Variants in FREM3 observed in about 807,000 individuals in gnomAD.
FREM3 encodes FRAS1-related extracellular matrix protein 3.
In FREM3, 105 loss-of-function variants were observed where a neutral mutation model predicts 129.1. The observed-to-expected ratio is 0.81, with a 90% confidence interval of 0.69 to 0.96. The LOEUF (loss-of-function observed/expected upper bound fraction) is 0.96, where lower values mean the gene tolerates loss of function less well. Ranked by LOEUF, FREM3 falls within the 40% of genes least tolerant of loss-of-function variation. The probability of loss-of-function intolerance (pLI) is 0.00; values close to 1 mark genes in which losing one functional copy is unlikely to be tolerated. For synonymous variants in FREM3, 1,014 were observed against 1,044.9 expected (o/e 0.97, Z 0.57); for missense variants, 2,593 against 2,666.3 (o/e 0.97, Z 0.61).
At chr4:143,644,221 G>A (rs1739375359) in intron 2 of FREM3, among the ~76,000 whole-genome samples, 1 of 151,988 alleles carries the variant, frequency 6.6e-6, no homozygotes, top group Admixed American at 6.6e-5. Context: ...ATTTGCACAC[G>A]TGTTTCTTTT....
intron 1 of FREM3, among the ~76,000 whole-genome samples, chr4:143,694,550 T>C (rs1740531202): frequency 6.6e-6 from 1 of 152,236 alleles, no homozygotes; most frequent in Non-Finnish European, 1.5e-5. Context: ...GAATAATTCT[T>C]ATAGAACCAC....
At chr4:143,676,504 C>T (rs918290018) in intron 2 of FREM3, among the ~76,000 whole-genome samples, 2 of 152,130 alleles carry the variant, frequency 1.3e-5, no homozygotes, top group African/African-American at 4.8e-5. Flanking sequence ...CCCTCTCTCA[C>T]CACTCCTATT....
chr4:143,606,491 T>C (rs1239286009), intron 6 of FREM3, among the ~76,000 whole-genome samples: 2 of 152,094 alleles, frequency 1.3e-5, no homozygotes, highest in East Asian at 1.9e-4. Flanking sequence ...CTTTTCGTTA[T>C]AGGAAACACT....
intron 2 of FREM3, among the ~76,000 whole-genome samples, chr4:143,691,816 G>A (rs1441321009): frequency 6.6e-6 from 1 of 152,168 alleles, no homozygotes; most frequent in African/African-American, 2.4e-5. Flanking sequence ...TAGTGTGAGA[G>A]TCAGAGGTGC....
intron 5 of FREM3, among the ~76,000 whole-genome samples, chr4:143,614,767 G>T (rs1317844187): frequency 4.6e-5 from 7 of 152,202 alleles, no homozygotes; most frequent in African/African-American, 1.7e-4. Context: ...AAGCTGATTT[G>T]CAAACTTTGC....
intron 2 of FREM3, among the ~76,000 whole-genome samples, chr4:143,669,478 G>A (rs554920724): frequency 4.6e-5 from 7 of 151,040 alleles, no homozygotes; most frequent in African/African-American, 1.5e-4. Context: ...GGTAGAGACC[G>A]GGTCATCCTA....
chr4:143,639,540 T>C (rs1739286872), intron 2 of FREM3, among the ~76,000 whole-genome samples: 1 of 152,192 alleles, frequency 6.6e-6, no homozygotes. Context: ...GTGGCACCAT[T>C]ACAGCAATCC....
intron 6 of FREM3, among the ~76,000 whole-genome samples, chr4:143,603,819 G>A (rs991728963): frequency 2.0e-5 from 3 of 152,094 alleles, no homozygotes; most frequent in African/African-American, 7.2e-5. Flanking sequence ...GCCATAAAAT[G>A]TCATACCCCC....
chr4:143,592,096 G>T (rs1485946550), intron 6 of FREM3, among the ~76,000 whole-genome samples: 2 of 152,148 alleles, frequency 1.3e-5, no homozygotes, highest in Admixed American at 6.5e-5. Flanking sequence ...TTGCTTGGTA[G>T]ATCTTCCTCC....
chr4:143,624,627 G>A (rs1739013586), intron 3 of FREM3, among the ~76,000 whole-genome samples: 1 of 152,154 alleles, frequency 6.6e-6, no homozygotes, highest in Admixed American at 6.5e-5. Flanking sequence ...ATCCTTTGAT[G>A]TGCCAAACTC....
rs958348805 is a variant in FREM3, at chr4:143,696,764, A to G, written c.3912T>C (p.Asp1304=). The change falls in exon 1 of 8, where the codon GAT becomes GAC. Residue 1304 remains aspartate, a synonymous_variant. Transcript: ENST00000329798. ...TGTTGACAGTCAGGTGAGGAGTTTC[A>G]TCATCCACTAGGGTCACTACAATGG... ...KVPIVVTLVD[D]ETPHLTVNNG... The G allele has an allele frequency of 2.0e-6, 3 of 1,537,848 alleles. No individual in the cohort carries two copies. Among genetic ancestry groups the G allele is most frequent in the Non-Finnish European group, 2.6e-6 (3 of 1,147,050 alleles).
intron 5 of FREM3, among the ~76,000 whole-genome samples, chr4:143,613,465 C>A (rs35721872): frequency 0.33 from 50,732 of 152,100 alleles, 10,133 homozygotes; most frequent in Middle Eastern, 0.46. Context: ...ATAGTGCTAT[C>A]ACTGAATGCC....
At chr4:143,604,603 G>T (rs1738634090) in intron 6 of FREM3, among the ~76,000 whole-genome samples, 1 of 152,046 alleles carries the variant, frequency 6.6e-6, no homozygotes, top group African/African-American at 2.4e-5. Context: ...TCAAATCTCA[G>T]GGGTGCTGAG....
At position 143,698,551 on chromosome 4, in the gene FREM3, T is replaced by C. The variant is rs753510070; in HGVS notation, c.2125A>G (p.Thr709Ala). 2.3e-5 allele frequency: 35 copies of C among 1,537,528 alleles called. No homozygotes were observed. In the African/African-American group the frequency reaches 4.2e-4, roughly 19 times the overall value. ...TCTTGTACAGTCATTTCTAGTGTAG[T>C]TCCTGGATACAGCTGTGGACTCAGT... ...DILSPQLYPGTTLEMTVQEYQ... is the reference protein window; with the variant it reads ...DILSPQLYPGATLEMTVQEYQ... The change falls in exon 1 of 8, where the codon ACT (threonine) becomes GCT (alanine). Residue 709 changes from threonine (T) to alanine (A), a missense_variant. Physicochemically the swap from Thr to Ala is moderately conservative, Grantham distance 58. Around this residue, in one of 2 missense-constraint regions of FREM3, gnomAD observed 2,276 missense variants for 2,267.2 expected, o/e 1.00. Transcript: ENST00000329798.
chr4:143,677,162 C>G (rs1267434925), intron 2 of FREM3, among the ~76,000 whole-genome samples: 1 of 152,116 alleles, frequency 6.6e-6, no homozygotes, highest in Non-Finnish European at 1.5e-5. Context: ...GCTACAGTAG[C>G]CAAAACAGCA....
chr4:143,677,138 G>A (rs374140876), intron 2 of FREM3, among the ~76,000 whole-genome samples: 3 of 152,020 alleles, frequency 2.0e-5, no homozygotes, highest in Non-Finnish European at 4.4e-5. Context: ...CCTGACTTCA[G>A]ACTATACTAC....
At chr4:143,648,847 C>T (rs1373745930) in intron 2 of FREM3, among the ~76,000 whole-genome samples, 2 of 152,180 alleles carry the variant, frequency 1.3e-5, no homozygotes, top group Non-Finnish European at 2.9e-5. Flanking sequence ...AATGCAGCCT[C>T]AAACTCCTGG....
Position 143,698,865 on chromosome 4 carries a change from G to T in FREM3, c.1811C>A (p.Ser604Tyr), listed in dbSNP as rs1345529283. Residue 604 changes from serine (S) to tyrosine (Y), a missense_variant, in exon 1 of 8, where the codon TCC becomes TAC. Ser to Tyr is a moderately radical substitution (Grantham distance 144). Coordinates refer to ENST00000329798, the MANE Select transcript of FREM3 (RefSeq NM_001168235.2). ...GTCCCCCAGGTAGTGGCCTGAGTGG[G>T]AGGAACCAGGGGCCAACTCCCACTG... ...EPQWELAPGS[S>Y]HSGHYLGDLL... The T allele has an allele frequency of 1.7e-5, 26 of 1,537,550 alleles. No individual in the cohort carries two copies. Among genetic ancestry groups the T allele is most frequent in the Non-Finnish European group, 2.3e-5 (26 of 1,147,008 alleles).
In FREM3 at chr4:143,679,167, T is replaced by C. The variant is rs2149858681; in HGVS notation, c.5275+13946A>G. On this transcript the variant is annotated intron_variant, in intron 2 of 7. Coordinates refer to ENST00000329798, the MANE Select transcript of FREM3 (RefSeq NM_001168235.2). ...GTCATTTAAAATTTCTCGGACTATT[T>C]AAAAAATACCACTAAATTCAGGTAT... 2.6e-5 allele frequency among the ~76,000 whole-genome samples: 4 copies of C among 152,322 alleles called. No homozygotes were observed. The Middle Eastern group carries it at 0.014, about 518-fold the overall frequency.
Sources: allele counts gnomAD v4.1 joint callset (sites outside exome capture counted in the v4.1 genomes callset), GRCh38; gene constraint gnomAD v4.1.1; regional missense constraint gnomAD v4.1.1; transcripts MANE v1.5; gene names NCBI Gene and HGNC (gene_info 2026-07-23, HGNC 2026-07-21).